ELF2: variants seen among roughly 807,000 people sequenced by gnomAD.
ELF2 encodes the protein ETS-related transcription factor Elf-2.
Under a neutral mutation model 54.8 loss-of-function variants are expected in ELF2, and 11 were observed. The observed-to-expected ratio is 0.20, with a 90% CI of 0.13 to 0.33. The LOEUF (loss-of-function observed/expected upper bound fraction) is 0.33. Ranked by LOEUF, ELF2 falls within the 10% of genes least tolerant of loss-of-function variation. ELF2 has a pLI of 1.00. For missense variants in ELF2, 513 were observed against 703.0 expected (o/e 0.73, Z 3.06); for synonymous variants, 203 against 245.1 (o/e 0.83, Z 1.61).
chr4:139,155,184 AC>A (rs1445753129), intron 1 of ELF2: 1 of 152,298 alleles, frequency 6.6e-6, no homozygotes, highest in African/African-American at 2.4e-5. Flanking sequence ...CTCAGCTACT[AC>A]AGATACTGAG....
chr4:139,082,535 ACT>A (rs1731261045), intron 4 of ELF2, among the ~76,000 whole-genome samples: 2 of 152,212 alleles, frequency 1.3e-5, no homozygotes, highest in South Asian at 4.1e-4. Flanking sequence ...ACTGGTCACC[ACT>A]GTGTTGTACT....
At position 139,061,926 on chromosome 4, in the gene ELF2, G is replaced by A. The variant is rs1727914628; in HGVS notation, c.745C>T (p.Leu249Phe). The change falls in exon 8 of 10, where the codon CTT becomes TTT. Residue 249 changes from leucine to phenylalanine, a missense_variant. By Grantham distance (22) the Leu-to-Phe change is conservative (BLOSUM62 0). Coordinates refer to ENST00000686138, the MANE Select transcript of ELF2 (RefSeq NM_001331036.3). ...GGTTTGTTCTTATGCTTTCCCCAAA[G>A]CTTAGAGACAGCCTTTGAATCCACC... is the stretch of plus-strand genomic sequence containing the variant. Reference protein sequence around the residue: ...KLVDSKAVSKLWGKHKNKPDM... With the variant: ...KLVDSKAVSKFWGKHKNKPDM... The A allele has an allele frequency of 6.2e-7, 1 of 1,613,678 alleles. No individual in the cohort carries two copies. The highest frequency in any genetic ancestry group is 1.7e-5 in the Admixed American group (1 of 59,994).
At chr4:139,133,213 G>T (rs528002470) in intron 3 of ELF2, among the ~76,000 whole-genome samples, 18 of 152,066 alleles carry the variant, frequency 1.2e-4, no homozygotes, top group Admixed American at 5.9e-4. Context: ...GAGCCACCAC[G>T]CCCAGCCTAC....
intron 1 of ELF2, among the ~76,000 whole-genome samples, chr4:139,171,587 A>G (rs897893434): frequency 1.3e-5 from 2 of 150,768 alleles, no homozygotes; most frequent in Non-Finnish European, 2.9e-5. Flanking sequence ...TGACTCCACT[A>G]AACAGTACAC....
intron 3 of ELF2, 47 bp downstream of exon 3, chr4:139,137,583 C>A (rs1337645667): frequency 1.3e-6 from 2 of 1,587,404 alleles, no homozygotes; most frequent in Non-Finnish European, 1.7e-6. Flanking sequence ...AGTTCATGCA[C>A]AAATTTCTAT....
intron 4 of ELF2, among the ~76,000 whole-genome samples, chr4:139,082,804 T>G (rs1288105183): frequency 1.3e-5 from 2 of 152,240 alleles, no homozygotes. Context: ...GGAACATGTA[T>G]GCTTACTATT....
intron 4 of ELF2, among the ~76,000 whole-genome samples, chr4:139,075,334 A>G (rs913534689): frequency 1.1e-4 from 16 of 152,306 alleles, no homozygotes; most frequent in Middle Eastern, 3.4e-3. Context: ...TTCCTGTAAG[A>G]TTATAAACTT....
At chr4:139,087,488 CAG>C (rs762234650) in intron 4 of ELF2, among the ~76,000 whole-genome samples, 1 of 152,132 alleles carries the variant, frequency 6.6e-6, no homozygotes, top group Non-Finnish European at 1.5e-5. Context: ...TGTTTTGAGA[CAG>C]AGTCTCGCTC....
At chr4:139,166,278 T>C (rs1358399886) in intron 1 of ELF2, among the ~76,000 whole-genome samples, 2 of 152,114 alleles carry the variant, frequency 1.3e-5, no homozygotes, top group Non-Finnish European at 2.9e-5. Context: ...TCCCAGCTGC[T>C]TGGGAAGCTG....
intron 4 of ELF2, among the ~76,000 whole-genome samples, chr4:139,123,532 T>C (rs1736609803): frequency 6.6e-6 from 1 of 152,190 alleles, no homozygotes; most frequent in Admixed American, 6.5e-5. Context: ...TTAATCTAAA[T>C]TAATAAAACA....
rs1738334076 is a variant in ELF2 at position 139,137,821 on chromosome 4, G to A, written c.-120C>T. On this transcript the variant is annotated 5_prime_UTR_variant, in exon 3 of 10. Transcript: ENST00000686138. Reference sequence around the variant, plus strand: ...TAAAAGTCAATAGAGATGGAGTGGAGTAGATATCCAGAAATCCAGTCTTCT... The same window carrying A: ...TAAAAGTCAATAGAGATGGAGTGGAATAGATATCCAGAAATCCAGTCTTCT... 7.1e-7 allele frequency: 1 copy of A among 1,416,182 alleles called. No homozygotes were observed. The highest frequency in any genetic ancestry group is 9.2e-7 in the Non-Finnish European group (1 of 1,083,992). 87.7% of individuals were successfully genotyped at this position (1,416,182 alleles called of 1,614,324 possible).
chr4:139,097,910 C>T (rs1258368681), intron 4 of ELF2, among the ~76,000 whole-genome samples: 1 of 152,274 alleles, frequency 6.6e-6, no homozygotes, highest in East Asian at 1.9e-4. Context: ...GACAGAGTCT[C>T]ACTATATGGT....
rs542165201 is a variant in ELF2 at position 139,173,800 on chromosome 4, A to G, written c.-252+3167T>C. Among the ~76,000 whole-genome samples the G allele has an allele frequency of 4.6e-5, 7 of 151,430 alleles. No homozygotes were observed. The East Asian group carries it at 1.4e-3, about 29-fold the overall frequency. On this transcript the variant is annotated intron_variant, in intron 1 of 9. Coordinates refer to ENST00000686138, the MANE Select transcript of ELF2 (RefSeq NM_001331036.3). ...AAGACTATAAAAAATTTTTTTAATT[A>G]AAAAGGATCAGGTGCAGTGGCTCAA...
chr4:139,077,191 A>T (rs967387580), intron 4 of ELF2, among the ~76,000 whole-genome samples: 2 of 152,128 alleles, frequency 1.3e-5, no homozygotes, highest in Non-Finnish European at 2.9e-5. Context: ...TTTCGAATTT[A>T]AAAAAATATA....
At chr4:139,148,133 T>G (rs1404982680) in intron 1 of ELF2, among the ~76,000 whole-genome samples, 1 of 150,552 alleles carries the variant, frequency 6.6e-6, no homozygotes, top group Non-Finnish European at 1.5e-5. Context: ...ACTTTCTATC[T>G]CCAGAGAGCT....
intron 1 of ELF2, among the ~76,000 whole-genome samples, chr4:139,174,067 CAA>C (rs531811735): frequency 4.2e-4 from 50 of 119,064 alleles, no homozygotes; most frequent in Admixed American, 6.0e-4. Flanking sequence ...ACTAAAAATA[CAA>C]AAAAAAAAAA....
chr4:139,084,453 CGGCGGCGGCTGTGGCTGT>C (rs918008387), intron 4 of ELF2: 1 of 1,151,750 alleles, frequency 8.7e-7, no homozygotes. Context: ...GCGGCGGCGG[CGGCGGCGGCTGTGGCTGT>C]GGCGGCCGCC....
chr4:139,072,846 C>T (rs1191650698), intron 5 of ELF2, among the ~76,000 whole-genome samples: 1 of 152,172 alleles, frequency 6.6e-6, no homozygotes, highest in Non-Finnish European at 1.5e-5. Flanking sequence ...AGTATGGTTG[C>T]TCTTATTGTG....
At chr4:139,095,434 CT>C (rs1261041883) in intron 4 of ELF2, among the ~76,000 whole-genome samples, 1 of 152,158 alleles carries the variant, frequency 6.6e-6, no homozygotes, top group Non-Finnish European at 1.5e-5. Flanking sequence ...ATCTGCCCAC[CT>C]CAGCCTCCCA....
Sources: gnomAD v4.1 joint callset for allele counts (sites outside exome capture counted in the v4.1 genomes callset) on GRCh38, gnomAD v4.1.1 for gene constraint, MANE v1.5 for transcripts, NCBI Gene and HGNC (gene_info 2026-07-23, HGNC 2026-07-21) for gene names.